The following PPP1R12A variants were observed in gnomAD, a reference collection of about 807,000 sequenced individuals.
PPP1R12A encodes myosin binding subunit.
Under a neutral mutation model 139.6 loss-of-function variants are expected in PPP1R12A, and 19 were observed. The observed-to-expected ratio is 0.14, with a 90% CI of 0.09 to 0.20. PPP1R12A has a LOEUF of 0.20. PPP1R12A is among the 10% of genes least tolerant of loss of function. The probability of loss-of-function intolerance (pLI) is 1.00; values close to 1 mark genes in which losing one functional copy is unlikely to be tolerated. For missense variants in PPP1R12A, 925 were observed against 1,211.5 expected, an observed-to-expected ratio of 0.76 and a Z score of 3.51; for synonymous variants, 427 against 420.6, an observed-to-expected ratio of 1.02 and a Z score of -0.19.
chr12:79,927,864 A>G (rs1048347254), intron 1 of PPP1R12A, among the ~76,000 whole-genome samples: 3 of 152,248 alleles, frequency 2.0e-5, no homozygotes, highest in Admixed American at 6.5e-5. Context: ...GAGGTATACC[A>G]AAATGCCAAT....
chr12:79,891,569 G>A (rs1253550845), intron 1 of PPP1R12A, among the ~76,000 whole-genome samples: 1 of 152,112 alleles, frequency 6.6e-6, no homozygotes, highest in Non-Finnish European at 1.5e-5. Context: ...GCTTATAGTA[G>A]GTAGCCTCTA....
intron 1 of PPP1R12A, among the ~76,000 whole-genome samples, chr12:79,920,858 A>C (rs1202631847): frequency 1.3e-5 from 2 of 152,218 alleles, no homozygotes; most frequent in African/African-American, 2.4e-5. Context: ...CATAGCTGTA[A>C]TAAGTAAATC....
At chr12:79,930,319 A>G (rs963520355) in intron 1 of PPP1R12A, among the ~76,000 whole-genome samples, 7 of 152,210 alleles carry the variant, frequency 4.6e-5, no homozygotes, top group African/African-American at 1.7e-4. Flanking sequence ...TATCAACCAT[A>G]AGCTAAATGA....
intron 2 of PPP1R12A, among the ~76,000 whole-genome samples, chr12:79,870,776 C>A (rs1348784286): frequency 6.6e-6 from 1 of 152,160 alleles, no homozygotes; most frequent in African/African-American, 2.4e-5. Flanking sequence ...CTGCAACAAA[C>A]TGCTTACCCT....
intron 11 of PPP1R12A, 82 bp downstream of exon 11, chr12:79,808,401 T>G (rs1874120923): frequency 1.0e-6 from 1 of 961,088 alleles, no homozygotes; most frequent in East Asian, 2.5e-5. Context: ...CCGCACATAA[T>G]TACAATGCTC....
intron 3 of PPP1R12A, among the ~76,000 whole-genome samples, chr12:79,837,704 T>C (rs538196274): frequency 2.0e-5 from 3 of 152,246 alleles, no homozygotes; most frequent in African/African-American, 7.2e-5. Flanking sequence ...CAAGATCTTA[T>C]GGTTTAAGAG....
At chr12:79,884,283 T>C (rs912817315) in intron 1 of PPP1R12A, among the ~76,000 whole-genome samples, 1 of 152,180 alleles carries the variant, frequency 6.6e-6, no homozygotes, top group Admixed American at 6.5e-5. Context: ...AATGAAACAC[T>C]GCTAATTTTG....
chr12:79,925,972 C>T (rs1887812900), intron 1 of PPP1R12A, among the ~76,000 whole-genome samples: 1 of 152,032 alleles, frequency 6.6e-6, no homozygotes, highest in African/African-American at 2.4e-5. Flanking sequence ...CCTATATTGC[C>T]CAGGCTGGTC....
intron 2 of PPP1R12A, among the ~76,000 whole-genome samples, chr12:79,858,576 C>A (rs1880950387): frequency 6.6e-6 from 1 of 152,152 alleles, no homozygotes; most frequent in African/African-American, 2.4e-5. Flanking sequence ...TTGCCTAACT[C>A]CTGAGCCTGA....
At chr12:79,901,469 G>A (rs1885636824) in intron 1 of PPP1R12A, among the ~76,000 whole-genome samples, 1 of 151,808 alleles carries the variant, frequency 6.6e-6, no homozygotes, top group Non-Finnish European at 1.5e-5. Flanking sequence ...AAAAAAGTAA[G>A]CTTACTGCAA....
At chr12:79,782,663 G>A in intron 22 of PPP1R12A, 1 of 411,248 alleles carries the variant, frequency 2.4e-6, no homozygotes, top group South Asian at 1.8e-5. Context: ...AAAAACAGTG[G>A]CATCTTAGAT....
intron 2 of PPP1R12A, among the ~76,000 whole-genome samples, chr12:79,867,470 C>G (rs1411393688): frequency 6.6e-6 from 1 of 150,504 alleles, no homozygotes; most frequent in African/African-American, 2.4e-5. Context: ...AAGTATAATA[C>G]AAATAAAATA....
At chr12:79,840,140 C>T (rs1048910956) in intron 3 of PPP1R12A, among the ~76,000 whole-genome samples, 1 of 152,102 alleles carries the variant, frequency 6.6e-6, no homozygotes, top group East Asian at 1.9e-4. Context: ...TATAGCACTA[C>T]CACTTCCTAC....
chr12:79,911,548 G>A lies in PPP1R12A; in HGVS notation c.237+23147C>T, dbSNP rs1015333897. 3.3e-4 allele frequency among the ~76,000 whole-genome samples: 50 copies of A among 151,984 alleles called. 1 individual carries two copies. Among genetic ancestry groups the A allele is most frequent in the African/African-American group, 1.2e-3 (49 of 41,366 alleles). On this transcript the variant is annotated intron_variant, in intron 1 of 24. Transcript: ENST00000450142. ...TCTGTACACCAAACCCCCATGACAC[G>A]CAGTTTAACTATATAACAAACCTGC...
At chr12:79,811,319 A>C (rs1452444471) in intron 9 of PPP1R12A, among the ~76,000 whole-genome samples, 1 of 152,200 alleles carries the variant, frequency 6.6e-6, no homozygotes, top group Non-Finnish European at 1.5e-5. Flanking sequence ...ATAGTGTCTA[A>C]GCATTCCTCA....
intron 11 of PPP1R12A, 130 bp from the exon 12 acceptor site, chr12:79,807,460 T>C (rs2137062335): frequency 1.7e-6 from 1 of 601,646 alleles, no homozygotes; most frequent in East Asian, 3.1e-5. Flanking sequence ...GGAATACTAA[T>C]CAAGAAGATA....
chr12:79,892,040 G>A (rs538212556), intron 1 of PPP1R12A, among the ~76,000 whole-genome samples: 2 of 152,266 alleles, frequency 1.3e-5, no homozygotes, highest in South Asian at 4.1e-4. Flanking sequence ...AAGTTTGGGG[G>A]TAATCTACTA....
At position 79,867,840 on chromosome 12, in the gene PPP1R12A, C is replaced by G. The variant is rs191631426; in HGVS notation, c.368+4968G>C. ...GATGATTTTATAAAGGGCTTTCCCCCCTTTGCTTGGCACTTCTTCCTGCCG... is the reference window on the plus strand; with the variant it reads ...GATGATTTTATAAAGGGCTTTCCCCGCTTTGCTTGGCACTTCTTCCTGCCG... On this transcript the variant is annotated intron_variant, in intron 2 of 24. Coordinates refer to ENST00000450142, the MANE Select transcript of PPP1R12A (RefSeq NM_002480.3). Among the ~76,000 whole-genome samples the G allele has an allele frequency of 3.5e-3, 537 of 152,198 alleles. 3 individuals are homozygous for G. Among genetic ancestry groups the G allele is most frequent in the African/African-American group, 0.012 (518 of 41,538 alleles).
At chr12:79,823,502 C>T (rs1436209602) in intron 5 of PPP1R12A, among the ~76,000 whole-genome samples, 2 of 151,856 alleles carry the variant, frequency 1.3e-5, no homozygotes, top group African/African-American at 4.8e-5. Flanking sequence ...TTTCCAAACA[C>T]TACAAAACAA....
Sources: gnomAD v4.1 joint callset for allele counts (sites outside exome capture counted in the v4.1 genomes callset) on GRCh38, gnomAD v4.1.1 for gene constraint, MANE v1.5 for transcripts, NCBI Gene and HGNC (gene_info 2026-07-23, HGNC 2026-07-21) for gene names.